Variants in MEI4 observed in about 807,000 individuals in gnomAD.
The protein encoded by MEI4 is meiosis-specific protein MEI4.
MEI4 carries 27 observed loss-of-function variants against 31.4 expected under a neutral mutation model. The ratio of observed to expected loss-of-function variants is 0.86; its 90% CI spans 0.63 to 1.19. The LOEUF is 1.19. MEI4 is among the 50% of genes most tolerant of loss of function. MEI4 has a pLI of 0.00. For missense variants in MEI4, 329 were observed against 398.9 expected, an observed-to-expected ratio of 0.82 and a Z score of 1.49; for synonymous variants, 122 against 145.4, an observed-to-expected ratio of 0.84 and a Z score of 1.16.
At chr6:77,868,516 T>TGTATATATATATATATAC (rs1554170587) in intron 4 of MEI4, among the ~76,000 whole-genome samples, 1 of 133,786 alleles carries the variant, frequency 7.5e-6, no homozygotes, top group Non-Finnish European at 1.6e-5. Context: ...TATATATATA[T>TGTATATATATATATATAC]ATATATATAT....
At chr6:77,785,107 T>C (rs1453125439) in intron 3 of MEI4, among the ~76,000 whole-genome samples, 5 of 152,164 alleles carry the variant, frequency 3.3e-5, no homozygotes, top group Non-Finnish European at 5.9e-5. Flanking sequence ...GGAATTTGGA[T>C]TGGGAAATCA....
chr6:77,804,613 TTTTC>T (rs1422853481), intron 3 of MEI4, among the ~76,000 whole-genome samples: 2 of 152,174 alleles, frequency 1.3e-5, no homozygotes, highest in Non-Finnish European at 2.9e-5. Flanking sequence ...CCCATCTCTT[TTTTC>T]TTTCTTTTTG....
At chr6:77,798,120 G>T (rs1290859047) in intron 3 of MEI4, among the ~76,000 whole-genome samples, 1 of 151,786 alleles carries the variant, frequency 6.6e-6, no homozygotes, top group Non-Finnish European at 1.5e-5. Flanking sequence ...ATTATTTTCA[G>T]TTTAAGATTC....
intron 3 of MEI4, among the ~76,000 whole-genome samples, chr6:77,789,428 T>G (rs146482673): frequency 3.5e-4 from 54 of 152,236 alleles, no homozygotes; most frequent in Non-Finnish European, 2.5e-4. Flanking sequence ...GCTAAAGTGT[T>G]CCTGCACAGC....
chr6:77,658,991 AGTC>A (rs950742078), intron 1 of MEI4, among the ~76,000 whole-genome samples: 7 of 152,158 alleles, frequency 4.6e-5, no homozygotes, highest in African/African-American at 7.2e-5. Context: ...GCAGTGAGTA[AGTC>A]AAGGCCTCGG....
chr6:77,733,088 C>T (rs988329732), intron 2 of MEI4, among the ~76,000 whole-genome samples: 1 of 151,732 alleles, frequency 6.6e-6, no homozygotes, highest in African/African-American at 2.4e-5. Context: ...CTAAAATTCT[C>T]TTTTTTGGTT....
At chr6:77,777,848 A>G (rs558934720) in intron 3 of MEI4, among the ~76,000 whole-genome samples, 44 of 152,268 alleles carry the variant, frequency 2.9e-4, no homozygotes, top group African/African-American at 1.1e-3. Flanking sequence ...CAGGAAAAAA[A>G]GAAAATGATG....
At chr6:77,746,695 C>T (rs937611393) in intron 2 of MEI4, among the ~76,000 whole-genome samples, 1 of 150,206 alleles carries the variant, frequency 6.7e-6, no homozygotes, top group East Asian at 2.0e-4. Context: ...ACATATATTT[C>T]GGTTTCTCTG....
At chr6:77,670,610 G>A (rs758183191) in intron 1 of MEI4, among the ~76,000 whole-genome samples, 6 of 152,086 alleles carry the variant, frequency 3.9e-5, no homozygotes, top group Non-Finnish European at 7.3e-5. Context: ...CCTGACTCAG[G>A]CCTTTCAACT....
chr6:77,777,996 T>C (rs985338661), intron 3 of MEI4, among the ~76,000 whole-genome samples: 5 of 151,822 alleles, frequency 3.3e-5, no homozygotes, highest in Admixed American at 1.3e-4. Flanking sequence ...TTACTAACAA[T>C]AGGAAAAATT....
chr6:77,782,414 C>G (rs1252983073), intron 3 of MEI4, among the ~76,000 whole-genome samples: 1 of 152,086 alleles, frequency 6.6e-6, no homozygotes, highest in Non-Finnish European at 1.5e-5. Context: ...TAAAAAATTA[C>G]ACATACTTAA....
chr6:77,910,023 A>G (rs1766395381), intron 4 of MEI4, among the ~76,000 whole-genome samples: 1 of 151,996 alleles, frequency 6.6e-6, no homozygotes, highest in African/African-American at 2.4e-5. Flanking sequence ...CATGCTAAAA[A>G]CTCTGAATAA....
At chr6:77,732,875 A>G (rs992072651) in intron 2 of MEI4, among the ~76,000 whole-genome samples, 3 of 151,746 alleles carry the variant, frequency 2.0e-5, no homozygotes, top group Non-Finnish European at 2.9e-5. Context: ...TTGTGCATCT[A>G]TTGAGATAAT....
At chr6:77,780,343 G>T (rs1307524934) in intron 3 of MEI4, among the ~76,000 whole-genome samples, 10 of 152,084 alleles carry the variant, frequency 6.6e-5, no homozygotes, top group Non-Finnish European at 1.5e-4. Flanking sequence ...CTGGGGGAGG[G>T]TGATCAGATT....
At chr6:77,720,577 C>T (rs867104236) in intron 2 of MEI4, among the ~76,000 whole-genome samples, 1 of 141,686 alleles carries the variant, frequency 7.1e-6, no homozygotes, top group African/African-American at 2.7e-5. Context: ...ACACAGACCT[C>T]TGGGATTAAC....
intron 2 of MEI4, among the ~76,000 whole-genome samples, chr6:77,706,612 G>A (rs750289141): frequency 1.3e-5 from 2 of 152,158 alleles, no homozygotes; most frequent in Non-Finnish European, 2.9e-5. Context: ...ATGTTAAAAT[G>A]TGATCTTCAA....
Position 77,925,144 on chromosome 6 carries a change from G to A in MEI4, c.*1798G>A, listed in dbSNP as rs1764254878. ...CAGCAATGGCCCTTTCCCTATTGCA[G>A]CCAGCCAACGTAATGATCAGCTAAG... On this transcript the variant is annotated 3_prime_UTR_variant, in exon 5 of 5. Transcript: ENST00000684080. The A allele has an allele frequency of 6.6e-6, 1 of 151,808 alleles. No homozygotes were observed. The highest frequency in any genetic ancestry group is 1.5e-5 in the Non-Finnish European group (1 of 67,878). 9.4% of individuals were successfully genotyped at this position (151,808 alleles called of 1,614,324 possible).
intron 2 of MEI4, among the ~76,000 whole-genome samples, chr6:77,695,723 C>T (rs1313616342): frequency 6.6e-6 from 1 of 152,156 alleles, no homozygotes; most frequent in South Asian, 2.1e-4. Flanking sequence ...GTTCTTTTGG[C>T]TTAGGATTGA....
intron 3 of MEI4, among the ~76,000 whole-genome samples, chr6:77,827,877 CG>C (rs1163644558): frequency 6.6e-6 from 1 of 151,966 alleles, no homozygotes; most frequent in Non-Finnish European, 1.5e-5. Context: ...TCAGTCATGT[CG>C]GGGAGAAACA....
Sources: allele counts gnomAD v4.1 joint callset (sites outside exome capture counted in the v4.1 genomes callset), GRCh38; gene constraint gnomAD v4.1.1; transcripts MANE v1.5; gene names NCBI Gene and HGNC (gene_info 2026-07-23, HGNC 2026-07-21).